The following GPM6A variants were observed in gnomAD, a reference collection of about 807,000 sequenced individuals.
GPM6A encodes the protein glycoprotein M6A, also known as neuronal membrane glycoprotein M6-a.
In GPM6A, 7 loss-of-function variants were observed where a neutral mutation model predicts 32.1. That is an observed-to-expected ratio of 0.22 (90% confidence interval 0.12 to 0.41). GPM6A has a LOEUF of 0.41. GPM6A is among the 10% of genes least tolerant of loss of function. GPM6A has a pLI of 1.00. For synonymous variants in GPM6A, 130 were observed against 123.4 expected (o/e 1.05, Z -0.35); for missense variants, 235 against 347.2 (o/e 0.68, Z 2.57).
At chr4:175,685,700 AGAG>A (rs1743940118) in intron 2 of GPM6A, among the ~76,000 whole-genome samples, 1 of 152,318 alleles carries the variant, frequency 6.6e-6, no homozygotes, top group Admixed American at 6.5e-5. Flanking sequence ...GATTCAGAGA[AGAG>A]GAGGAGAATG....
chr4:175,769,586 C>T (rs1169603127), intron 1 of GPM6A, among the ~76,000 whole-genome samples: 1 of 152,122 alleles, frequency 6.6e-6, no homozygotes, highest in Non-Finnish European at 1.5e-5. Context: ...CTCTGCCAGG[C>T]TTAGGAACCC....
At chr4:175,933,744 C>T (rs1354972621) in intron 1 of GPM6A, among the ~76,000 whole-genome samples, 1 of 152,162 alleles carries the variant, frequency 6.6e-6, no homozygotes, top group Admixed American at 6.5e-5. Flanking sequence ...CAGGGTTTCA[C>T]CGTGCTAGCC....
intron 1 of GPM6A, among the ~76,000 whole-genome samples, chr4:175,989,980 A>C (rs1199547612): frequency 3.3e-5 from 5 of 152,166 alleles, no homozygotes; most frequent in Admixed American, 3.3e-4. Context: ...CAACAAAGCA[A>C]TCCTGAATCA....
intron 2 of GPM6A, among the ~76,000 whole-genome samples, chr4:175,688,205 G>C (rs1744099894): frequency 1.3e-5 from 2 of 151,986 alleles, no homozygotes; most frequent in Admixed American, 1.3e-4. Flanking sequence ...GCTCCATCTA[G>C]TCACACTTGT....
intron 1 of GPM6A, among the ~76,000 whole-genome samples, chr4:175,932,390 G>A (rs1739080615): frequency 6.6e-6 from 1 of 152,150 alleles, no homozygotes. Flanking sequence ...GGAGCATCAA[G>A]GCGCCATCTT....
intron 1 of GPM6A, among the ~76,000 whole-genome samples, chr4:175,767,862 T>C (rs918117871): frequency 2.0e-4 from 31 of 152,238 alleles, no homozygotes; most frequent in Non-Finnish European, 4.4e-5. Context: ...TTTCTGGCAC[T>C]GGGAGAAACT....
rs1179257802 is a variant in GPM6A at position 175,847,929 on chromosome 4, T to G, written c.-22-35680A>C. Among the ~76,000 whole-genome samples, 7 of 152,192 alleles carry G rather than the reference T, an allele frequency of 4.6e-5. 1 individual carries two copies. On this transcript the variant is annotated intron_variant, in intron 1 of 7. Coordinates refer to the GPM6A transcript ENST00000280187. ...TCAACGTCAACCAGGTATGGCACTATCATCCACTGGAGGGTCTTGGAATGT... is the reference window on the plus strand; with the variant it reads ...TCAACGTCAACCAGGTATGGCACTAGCATCCACTGGAGGGTCTTGGAATGT...
intron 1 of GPM6A, among the ~76,000 whole-genome samples, chr4:175,842,822 G>T (rs115752016): frequency 1.3e-4 from 19 of 151,828 alleles, no homozygotes; most frequent in African/African-American, 4.6e-4. Flanking sequence ...GACCTTATAG[G>T]TCAATTTAGT....
At chr4:175,840,876 T>G (rs933760386) in intron 1 of GPM6A, among the ~76,000 whole-genome samples, 3 of 152,050 alleles carry the variant, frequency 2.0e-5, no homozygotes, top group African/African-American at 7.2e-5. Context: ...TAGCAAAACA[T>G]TGGCAAATAT....
chr4:175,961,925 T>TACAGG (rs879608844), intron 1 of GPM6A: 7 of 359,906 alleles, frequency 1.9e-5, no homozygotes, highest in Non-Finnish European at 3.6e-5. Context: ...GAGTCCTAAT[T>TACAGG]ACAGGACAGG....
chr4:175,771,190 CAT>C (rs1733173933), intron 1 of GPM6A, among the ~76,000 whole-genome samples: 1 of 152,058 alleles, frequency 6.6e-6, no homozygotes, highest in African/African-American at 2.4e-5. Flanking sequence ...GCAATATGAA[CAT>C]ATAATCTCTG....
At chr4:175,762,085 C>T (rs567341226) in intron 1 of GPM6A, among the ~76,000 whole-genome samples, 1 of 152,316 alleles carries the variant, frequency 6.6e-6, no homozygotes, top group Non-Finnish European at 1.5e-5. Flanking sequence ...AGAGCCACTG[C>T]ACTGGGCCAT....
At chr4:175,636,260 G>GTATATATATATATA (rs34516159) in intron 6 of GPM6A, among the ~76,000 whole-genome samples, 7 of 101,320 alleles carry the variant, frequency 6.9e-5, no homozygotes, top group Non-Finnish European at 1.4e-4. Flanking sequence ...CATAATCACT[G>GTATATATATATATA]TATATATATA....
At chr4:175,778,886 TCA>T (rs1733503727) in intron 1 of GPM6A, among the ~76,000 whole-genome samples, 1 of 150,646 alleles carries the variant, frequency 6.6e-6, no homozygotes, top group Admixed American at 6.6e-5. Context: ...AATAATATAA[TCA>T]CATATTGATA....
intron 1 of GPM6A, among the ~76,000 whole-genome samples, chr4:175,707,794 A>G (rs906950553): frequency 6.6e-6 from 1 of 152,154 alleles, no homozygotes; most frequent in Non-Finnish European, 1.5e-5. Flanking sequence ...TTATGCTTTT[A>G]CCATTAAGTT....
At chr4:175,657,440 A>G (rs1742141830) in intron 3 of GPM6A, among the ~76,000 whole-genome samples, 1 of 152,040 alleles carries the variant, frequency 6.6e-6, no homozygotes, top group Admixed American at 6.6e-5. Flanking sequence ...TCTCATAGAT[A>G]TCCAGTGTTA....
At chr4:175,726,863 A>T (rs990681132) in intron 1 of GPM6A, among the ~76,000 whole-genome samples, 25 of 151,998 alleles carry the variant, frequency 1.6e-4, no homozygotes, top group African/African-American at 6.0e-4. Flanking sequence ...GGGTGTGTTG[A>T]TGTGCACCTG....
intron 1 of GPM6A, among the ~76,000 whole-genome samples, chr4:175,752,984 A>T (rs1379172148): frequency 6.6e-6 from 1 of 152,186 alleles, no homozygotes; most frequent in Non-Finnish European, 1.5e-5. Flanking sequence ...GAATCATTTA[A>T]TCAATTCCAT....
chr4:175,878,932 A>G (rs1737177858), intron 1 of GPM6A, among the ~76,000 whole-genome samples: 1 of 152,178 alleles, frequency 6.6e-6, no homozygotes, highest in Non-Finnish European at 1.5e-5. Context: ...ACAGCACCCA[A>G]GTCACCCCTT....
Sources: allele counts gnomAD v4.1 joint callset (sites outside exome capture counted in the v4.1 genomes callset), GRCh38; gene constraint gnomAD v4.1.1; transcripts MANE v1.5; gene names NCBI Gene and HGNC (gene_info 2026-07-23, HGNC 2026-07-21).